The following CACHD1 variants were observed in gnomAD, a reference collection of about 807,000 sequenced individuals.
CACHD1 encodes the protein cache domain containing 1, also known as VWFA and cache domain-containing protein 1.
CACHD1 carries 71 observed loss-of-function variants against 138.7 expected under a neutral mutation model. The ratio of observed to expected loss-of-function variants is 0.51; its 90% CI spans 0.42 to 0.62. The LOEUF (loss-of-function observed/expected upper bound fraction) is 0.62. Ranked by LOEUF, CACHD1 falls within the 20% of genes least tolerant of loss-of-function variation. The pLI, the probability that CACHD1 is intolerant of heterozygous loss-of-function variation, is 0.00. For synonymous variants in CACHD1, 578 were observed against 591.5 expected (o/e 0.98, Z 0.33); for missense variants, 1,389 against 1,625.3 (o/e 0.85, Z 2.50).
intron 1 of CACHD1, among the ~76,000 whole-genome samples, chr1:64,475,439 T>TA (rs1646169497): frequency 6.6e-6 from 1 of 152,186 alleles, no homozygotes; most frequent in Admixed American, 6.5e-5. Context: ...GTTCTGGAAT[T>TA]ACAGATGTGA....
At chr1:64,490,217 A>G (rs1646267177) in intron 1 of CACHD1, among the ~76,000 whole-genome samples, 1 of 152,234 alleles carries the variant, frequency 6.6e-6, no homozygotes, top group Non-Finnish European at 1.5e-5. Flanking sequence ...CAAAGGGCAG[A>G]AGCAGCCCTC....
rs868590283 is a variant in CACHD1 at position 64,630,521 on chromosome 1, G to A, written c.644+1040G>A. 5.3e-5 allele frequency among the ~76,000 whole-genome samples: 8 copies of A among 152,144 alleles called. No homozygotes were observed. The East Asian group carries it at 9.7e-4, about 18-fold the overall frequency. On this transcript the variant is annotated intron_variant, in intron 5 of 26. Coordinates refer to ENST00000651257, the MANE Select transcript of CACHD1 (RefSeq NM_020925.4). ...TTGCCATGTTGGCCAGGCTAGTCTCGAACTCCTGACCTCAGGCCTCCCAAA... is the reference window on the plus strand; with the variant it reads ...TTGCCATGTTGGCCAGGCTAGTCTCAAACTCCTGACCTCAGGCCTCCCAAA...
chr1:64,541,173 T>TA (rs1428364288), intron 1 of CACHD1, among the ~76,000 whole-genome samples: 1 of 152,232 alleles, frequency 6.6e-6, no homozygotes, highest in Non-Finnish European at 1.5e-5. Context: ...CAAAATAAAA[T>TA]AATGATCTGT....
At position 64,638,590 on chromosome 1, in the gene CACHD1, C is replaced by A. The variant is rs571270619; in HGVS notation, c.1007-3230C>A. The stretch of plus-strand genomic sequence containing the variant: ...CTGATTAGTTGAGGATCATAATGAA[C>A]CTCAATTAAAGATGGTTAAGAGTGG... On this transcript the variant is annotated intron_variant, in intron 7 of 26. Coordinates refer to ENST00000651257, the MANE Select transcript of CACHD1 (RefSeq NM_020925.4). Among the ~76,000 whole-genome samples, 30 of 152,136 alleles carry A rather than the reference C, an allele frequency of 2.0e-4. No individual in the cohort carries two copies. In the South Asian group the frequency reaches 6.3e-3, roughly 32 times the overall value.
At chr1:64,508,801 GT>G (rs947943804) in intron 1 of CACHD1, among the ~76,000 whole-genome samples, 5 of 152,154 alleles carry the variant, frequency 3.3e-5, no homozygotes, top group Non-Finnish European at 7.4e-5. Context: ...GCCGCAGGCT[GT>G]TTATTACTCT....
At chr1:64,490,963 G>T (rs1371708064) in intron 1 of CACHD1, among the ~76,000 whole-genome samples, 1 of 151,936 alleles carries the variant, frequency 6.6e-6, no homozygotes, top group African/African-American at 2.4e-5. Context: ...CCATCCTGTG[G>T]GGTTCTCATG....
rs768947406 is a variant in CACHD1, at chr1:64,654,681, C to T, written c.1665-5C>T. 1.9e-6 allele frequency: 3 copies of T among 1,598,252 alleles called. No homozygotes were observed. The highest frequency in any genetic ancestry group is 2.6e-6 in the Non-Finnish European group (3 of 1,166,712). ...TGAAATATTTAATTCTGTTTGCCAACACAGCCTCCCTCTGGGCAGCCAGAT... is the reference window on the plus strand; with the variant it reads ...TGAAATATTTAATTCTGTTTGCCAATACAGCCTCCCTCTGGGCAGCCAGAT... On this transcript the variant is annotated splice_polypyrimidine_tract_variant and splice_region_variant and intron_variant, in intron 11 of 26. Transcript: ENST00000651257.
chr1:64,587,018 G>A (rs1647056290), intron 3 of CACHD1, among the ~76,000 whole-genome samples: 1 of 152,138 alleles, frequency 6.6e-6, no homozygotes, highest in African/African-American at 2.4e-5. Flanking sequence ...ATAAATATAA[G>A]CAGTTGGACC....
At chr1:64,608,417 G>A (rs1430532151) in intron 4 of CACHD1, among the ~76,000 whole-genome samples, 1 of 152,174 alleles carries the variant, frequency 6.6e-6, no homozygotes, top group Non-Finnish European at 1.5e-5. Flanking sequence ...TCTGCAAGAT[G>A]TCCAGCCTTA....
intron 1 of CACHD1, among the ~76,000 whole-genome samples, chr1:64,498,463 T>C (rs1015254228): frequency 1.3e-5 from 2 of 152,238 alleles, no homozygotes; most frequent in Admixed American, 1.3e-4. Context: ...TCTTTACTTT[T>C]GTGCAGGGAG....
chr1:64,626,553 G>A (rs1648107967), intron 4 of CACHD1, among the ~76,000 whole-genome samples: 2 of 152,216 alleles, frequency 1.3e-5, no homozygotes, highest in South Asian at 2.1e-4. Context: ...ATAAGTCATT[G>A]AGAGGAACTT....
chr1:64,685,363 A>G (rs1044461144), intron 26 of CACHD1, among the ~76,000 whole-genome samples: 2 of 152,196 alleles, frequency 1.3e-5, no homozygotes, highest in Non-Finnish European at 2.9e-5. Flanking sequence ...TTGTGCAATG[A>G]TGAAATTACC....
At chr1:64,551,131 A>G (rs763757063) in intron 2 of CACHD1, among the ~76,000 whole-genome samples, 11 of 152,164 alleles carry the variant, frequency 7.2e-5, no homozygotes, top group Non-Finnish European at 1.5e-4. Flanking sequence ...ATGATGACAA[A>G]TTGACCAAGA....
chr1:64,538,614 G>C (rs936503185), intron 1 of CACHD1, among the ~76,000 whole-genome samples: 3 of 152,218 alleles, frequency 2.0e-5, no homozygotes, highest in Admixed American at 1.3e-4. Context: ...TGTAGAGCTA[G>C]TTCGCACAGA....
intron 1 of CACHD1, among the ~76,000 whole-genome samples, chr1:64,485,028 T>A (rs1246334671): frequency 6.6e-6 from 1 of 152,238 alleles, no homozygotes; most frequent in African/African-American, 2.4e-5. Context: ...TAATTCTGTT[T>A]GTCCGAGAAA....
At chr1:64,531,947 TGAAAGATGAGAAA>T (rs1216043731) in intron 1 of CACHD1, among the ~76,000 whole-genome samples, 3 of 152,148 alleles carry the variant, frequency 2.0e-5, no homozygotes, top group African/African-American at 7.2e-5. Context: ...TACTGTGAAT[TGAAAGATGAGAAA>T]GAATGAGTCC....
chr1:64,582,556 C>T (rs1358515128), intron 3 of CACHD1, among the ~76,000 whole-genome samples: 1 of 152,104 alleles, frequency 6.6e-6, no homozygotes, highest in East Asian at 1.9e-4. Flanking sequence ...TGAGGAGTAT[C>T]AACTATTTAT....
intron 4 of CACHD1, among the ~76,000 whole-genome samples, chr1:64,615,732 C>A (rs1013627012): frequency 3.9e-5 from 6 of 152,120 alleles, no homozygotes; most frequent in African/African-American, 1.4e-4. Context: ...GTTTCCTTAG[C>A]TAAGCAGCAA....
Position 64,679,855 on chromosome 1 carries a change from A to AC in CACHD1, c.3406+100dup. The AC allele has an allele frequency of 3.7e-6, 5 of 1,336,316 alleles. No homozygotes were observed. In the South Asian group the frequency reaches 7.3e-5, roughly 20 times the overall value. 82.8% of individuals were successfully genotyped at this position (1,336,316 alleles called of 1,614,324 possible). On this transcript the variant is annotated intron_variant, in intron 24 of 26. Coordinates refer to ENST00000651257, the MANE Select transcript of CACHD1 (RefSeq NM_020925.4). ...TAAGGAACTGTCAGAACAGTGCTATACTTTCAGCTTCTGTGGAGTCATTTT... is the reference window on the plus strand; with the variant it reads ...TAAGGAACTGTCAGAACAGTGCTATACCTTTCAGCTTCTGTGGAGTCATTTT...
Sources: allele counts gnomAD v4.1 joint callset (sites outside exome capture counted in the v4.1 genomes callset), GRCh38; gene constraint gnomAD v4.1.1; transcripts MANE v1.5; gene names NCBI Gene and HGNC (gene_info 2026-07-23, HGNC 2026-07-21).